The following TRRAP variants were observed in gnomAD, a reference collection of about 807,000 sequenced individuals.
TRRAP encodes the protein transformation/transcription domain-associated protein.
A neutral mutation model predicts 438.8 loss-of-function variants in TRRAP; 41 were observed. The observed-to-expected ratio is 0.09, with a 90% confidence interval of 0.07 to 0.12. TRRAP has a LOEUF of 0.12. TRRAP is among the 10% of genes least tolerant of loss of function. The pLI is 1.00. For synonymous variants in TRRAP, 1,994 were observed against 1,962.9 expected (o/e 1.02, Z -0.42); for missense variants, 3,122 against 5,055.1 (o/e 0.62, Z 11.60).
intron 18 of TRRAP, among the ~76,000 whole-genome samples, chr7:98,915,190 T>G (rs1029810113): frequency 6.6e-6 from 1 of 152,182 alleles, no homozygotes; most frequent in Non-Finnish European, 1.5e-5. Flanking sequence ...TTTCAGTTCC[T>G]GTAGGTTACT....
At chr7:98,924,036 T>C (rs996544700) in intron 21 of TRRAP, among the ~76,000 whole-genome samples, 8 of 152,246 alleles carry the variant, frequency 5.3e-5, no homozygotes, top group Non-Finnish European at 1.0e-4. Flanking sequence ...TAGTAAAAGC[T>C]TAAGAAAGCC....
At chr7:98,879,194 CCAGCCCGGCCTGGGCCTTCGGCGT>C (rs1329839878) in intron 1 of TRRAP, among the ~76,000 whole-genome samples, 38 of 152,164 alleles carry the variant, frequency 2.5e-4, no homozygotes, top group Admixed American at 2.5e-3. Context: ...AGGCCCGGCG[CCAGCCCGGCCTGGGCCTTCGGCGT>C]CCGGGGTGGT....
Position 98,967,707 on chromosome 7 carries a change from A to G in TRRAP, c.7512+9A>G. ...TCAAGCAGTGCATTGAGGTAGGAAGACTCGGCTCACATCTGTGGCCGGGGG... is the reference window on the plus strand; with the variant it reads ...TCAAGCAGTGCATTGAGGTAGGAAGGCTCGGCTCACATCTGTGGCCGGGGG... On this transcript the variant is annotated intron_variant, in intron 51 of 72. Coordinates refer to ENST00000456197, the MANE Select transcript of TRRAP (RefSeq NM_001375524.1). 1.2e-6 allele frequency: 2 copies of G among 1,610,780 alleles called. No individual in the cohort carries two copies. Among genetic ancestry groups the G allele is most frequent in the East Asian group, 4.5e-5 (2 of 44,786 alleles).
rs538514472 is a variant in TRRAP, at chr7:98,907,891, T to G, written c.1116-837T>G. On this transcript the variant is annotated intron_variant, in intron 13 of 72. Coordinates refer to ENST00000456197, the MANE Select transcript of TRRAP (RefSeq NM_001375524.1). ...CCTATAGCTCCCCTCTCTGACCTGC[T>G]GTAGCCATGCTGGCCCCTACAGCTG... is the stretch of plus-strand genomic sequence containing the variant. Among the ~76,000 whole-genome samples, 80 of 151,524 alleles carry G rather than the reference T, an allele frequency of 5.3e-4. 1 individual carries two copies. The highest frequency in any genetic ancestry group is 1.0e-3 in the South Asian group (5 of 4,772).
intron 67 of TRRAP, chr7:98,999,465 CG>C: frequency 1.2e-6 from 1 of 821,980 alleles, no homozygotes; most frequent in Admixed American, 1.9e-5. Context: ...CTATCCTTCT[CG>C]GCACTTTTTC....
intron 30 of TRRAP, among the ~76,000 whole-genome samples, chr7:98,939,546 G>A (rs1208092664): frequency 6.6e-6 from 1 of 152,162 alleles, no homozygotes; most frequent in East Asian, 1.9e-4. Context: ...AGTATAATAT[G>A]GAAGTGAATT....
At chr7:98,967,456 T>C (rs1370849363) in intron 50 of TRRAP, 29 bp from the exon 51 acceptor site, 1 of 1,611,604 alleles carries the variant, frequency 6.2e-7, no homozygotes, top group South Asian at 1.1e-5. Context: ...GAGTCCATCG[T>C]CTTGCCTGTC....
Position 98,990,514 on chromosome 7 carries a change from G to A in TRRAP, c.9651G>A (p.Lys3217=), listed in dbSNP as rs1793386343. The A allele has an allele frequency of 6.2e-7, 1 of 1,614,144 alleles. No homozygotes were observed. The highest frequency in any genetic ancestry group is 8.5e-7 in the Non-Finnish European group (1 of 1,179,992). Residue 3217 remains lysine (K), a synonymous_variant, in exon 64 of 73, where the codon AAG becomes AAA. Coordinates refer to ENST00000456197, the MANE Select transcript of TRRAP (RefSeq NM_001375524.1). ...DKNTLADAVD[K]YCIGVPPIQW... is the part of the protein sequence containing the mutation. ...ACACTTTGGCAGATGCCGTCGACAA[G>A]TACTGCATTGGTGTGCCACCCATCC...
intron 45 of TRRAP, among the ~76,000 whole-genome samples, chr7:98,960,052 C>A (rs564253945): frequency 6.6e-4 from 100 of 152,024 alleles, no homozygotes; most frequent in Non-Finnish European, 1.2e-3. Context: ...AGTTCTCTTG[C>A]ATTTTGTGGA....
At position 98,968,548 on chromosome 7, in the gene TRRAP, G is replaced by C. The variant is rs1792263588; in HGVS notation, c.7512+850G>C. On this transcript the variant is annotated intron_variant, in intron 51 of 72. Coordinates refer to ENST00000456197, the MANE Select transcript of TRRAP (RefSeq NM_001375524.1). ...ATTGTGGTAAGCTTCTAGCTTGCTA[G>C]AGTTTCAGCCTGTGGCTCACTCATC... Among the ~76,000 whole-genome samples the C allele has an allele frequency of 3.3e-5, 5 of 152,256 alleles. No homozygotes were observed. The South Asian group carries it at 1.0e-3, about 32-fold the overall frequency.
At chr7:98,883,354 G>C (rs1795547855) in intron 3 of TRRAP, among the ~76,000 whole-genome samples, 1 of 152,052 alleles carries the variant, frequency 6.6e-6, no homozygotes, top group Admixed American at 6.6e-5. Flanking sequence ...TTTATCTGCA[G>C]ATTCCCCATC....
intron 62 of TRRAP, among the ~76,000 whole-genome samples, chr7:98,988,301 A>G (rs530052729): frequency 2.4e-4 from 36 of 152,222 alleles, no homozygotes; most frequent in Non-Finnish European, 4.8e-4. Context: ...GTTGAAACAA[A>G]CAGATACCTG....
At chr7:98,943,079 C>G in intron 31 of TRRAP, 62 bp downstream of exon 31, 1 of 1,557,236 alleles carries the variant, frequency 6.4e-7, no homozygotes, top group South Asian at 1.1e-5. Context: ...GTGCTAATGC[C>G]GGGACAGTGC....
At position 98,966,974 on chromosome 7, in the gene TRRAP, G is replaced by C. The variant is rs115981872; in HGVS notation, c.7177-67G>C. On this transcript the variant is annotated intron_variant, in intron 49 of 72. Transcript: ENST00000456197. ...TATTGTGCTTGATAAAATTGTAGGA[G>C]CTTAAAAAATACTAGAGCAGATGGT... is the stretch of plus-strand genomic sequence containing the variant. 1.6e-3 allele frequency: 2,420 copies of C among 1,528,054 alleles called. 31 individuals carry two copies. In the African/African-American group the frequency reaches 0.029, roughly 18 times the overall value. 94.7% of individuals were successfully genotyped at this position (1,528,054 alleles called of 1,614,324 possible). A position where few individuals can be genotyped will look rare whatever the true frequency, so the allele number is the denominator to read the frequency against.
chr7:98,978,312 C>A lies in TRRAP; in HGVS notation c.8487C>A (p.Asp2829Glu), dbSNP rs2116739001. 1 of 1,613,644 alleles carries A rather than the reference C, an allele frequency of 6.2e-7. No homozygotes were observed. Among genetic ancestry groups the A allele is most frequent in the Non-Finnish European group, 8.5e-7 (1 of 1,179,662 alleles). ...AIFPEYQLWE[D>E]HWIRCSKELN... ...TCCCTGAATACCAGCTCTGGGAAGACCACTGGATTCGGTAAGCCAAACACA... is the reference window on the plus strand; with the variant it reads ...TCCCTGAATACCAGCTCTGGGAAGAACACTGGATTCGGTAAGCCAAACACA... The change falls in exon 57 of 73, where the codon GAC becomes GAA. Residue 2829 changes from aspartate to glutamate, a missense_variant. Asp to Glu is a conservative substitution (Grantham distance 45, BLOSUM62 2). Transcript: ENST00000456197.
Position 98,917,628 on chromosome 7 carries a change from G to A in TRRAP, c.2571G>A (p.Gln857=). ...RTLELCVDNL[Q]PDFLYDHIQP... is the part of the protein sequence containing the mutation. ...TGGAGCTGTGTGTGGACAACCTGCAGCCCGACTTCCTCTACGACCACATCC... is the reference window on the plus strand; with the variant it reads ...TGGAGCTGTGTGTGGACAACCTGCAACCCGACTTCCTCTACGACCACATCC... The change falls in exon 20 of 73, where the codon CAG becomes CAA. Residue 857 remains glutamine (Q), a synonymous_variant. Transcript: ENST00000456197. 6.2e-7 allele frequency: 1 copy of A among 1,614,186 alleles called. No individual in the cohort carries two copies. The highest frequency in any genetic ancestry group is 8.5e-7 in the Non-Finnish European group (1 of 1,180,044).
chr7:98,904,747 A>C (rs1796644591), intron 12 of TRRAP, among the ~76,000 whole-genome samples: 1 of 152,188 alleles, frequency 6.6e-6, no homozygotes, highest in African/African-American at 2.4e-5. Context: ...AAGATATTAT[A>C]GGATGCTTTA....
intron 67 of TRRAP, among the ~76,000 whole-genome samples, chr7:99,003,217 G>A (rs977552763): frequency 3.9e-5 from 6 of 152,216 alleles, no homozygotes; most frequent in African/African-American, 1.2e-4. Flanking sequence ...GGAGGAAGTC[G>A]AGGCGTTCTA....
rs765000508 is a variant in TRRAP, at chr7:98,984,272, A to G, written c.9202A>G (p.Ile3068Val). The change falls in exon 61 of 73, where the codon ATC (isoleucine) becomes GTC (valine). Residue 3068 changes from isoleucine to valine, a missense_variant. Physicochemically the swap from Ile to Val is conservative, Grantham distance 29 (BLOSUM62 3). Transcript: ENST00000456197. Reference sequence around the variant, plus strand: ...GATTCATACTATTCCAACTGTTCCTATCGTGGATTGCTTCCAGAAGATTCG... The same window carrying G: ...GATTCATACTATTCCAACTGTTCCTGTCGTGGATTGCTTCCAGAAGATTCG... ...SRIHTIPTVP[I>V]VDCFQKIRQQ... 1.2e-6 allele frequency: 2 copies of G among 1,611,782 alleles called. No individual in the cohort carries two copies. Among genetic ancestry groups the G allele is most frequent in the Admixed American group, 1.7e-5 (1 of 59,582 alleles).
Sources: gnomAD v4.1 joint callset for allele counts (sites outside exome capture counted in the v4.1 genomes callset) on GRCh38, gnomAD v4.1.1 for gene constraint, MANE v1.5 for transcripts, NCBI Gene and HGNC (gene_info 2026-07-23, HGNC 2026-07-21) for gene names.